Variants in TSHZ2 observed in about 807,000 individuals in gnomAD.
TSHZ2 encodes the protein teashirt homolog 2.
In TSHZ2, 21 loss-of-function variants were observed where a neutral mutation model predicts 74.4. That is an observed-to-expected ratio of 0.28 (90% confidence interval 0.20 to 0.41). The LOEUF is 0.41. TSHZ2 is among the 10% of genes least tolerant of loss of function. The pLI, the probability that TSHZ2 is intolerant of heterozygous loss-of-function variation, is 1.00. For missense variants in TSHZ2, 1,244 were observed against 1,293.5 expected (o/e 0.96, Z 0.59); for synonymous variants, 540 against 515.3 (o/e 1.05, Z -0.65).
intron 1 of TSHZ2, among the ~76,000 whole-genome samples, chr20:53,117,194 A>G (rs935877495): frequency 6.6e-6 from 1 of 152,182 alleles, no homozygotes; most frequent in Non-Finnish European, 1.5e-5. Flanking sequence ...ACTACAGCAT[A>G]TGAATTTTAA....
rs118014554 is a variant in TSHZ2, at chr20:53,472,626, G to C, written c.*9-14518G>C. Among the ~76,000 whole-genome samples the C allele has an allele frequency of 6.3e-3, 965 of 152,070 alleles. 6 individuals are homozygous for C. The highest frequency in any genetic ancestry group is 0.031 in the Middle Eastern group (9 of 294). On this transcript the variant is annotated intron_variant, in intron 2 of 2. Coordinates refer to ENST00000371497, the MANE Select transcript of TSHZ2 (RefSeq NM_173485.6). ...TTTCAGAACTGGAAGATGCTGCTTAGAAAGAGCTCCTCAGGGGGGAGGGAG... is the reference window on the plus strand; with the variant it reads ...TTTCAGAACTGGAAGATGCTGCTTACAAAGAGCTCCTCAGGGGGGAGGGAG...
At chr20:53,009,065 A>T (rs1982756830) in intron 1 of TSHZ2, among the ~76,000 whole-genome samples, 6 of 149,092 alleles carry the variant, frequency 4.0e-5, no homozygotes, top group Admixed American at 2.7e-4. Flanking sequence ...ATGGTGGCTC[A>T]CACCTATAAC....
intron 1 of TSHZ2, among the ~76,000 whole-genome samples, chr20:53,021,828 A>G (rs1331127848): frequency 1.3e-5 from 2 of 152,194 alleles, no homozygotes; most frequent in African/African-American, 4.8e-5. Flanking sequence ...ATGTATCCAG[A>G]TACTTGGTTT....
At chr20:53,006,295 A>G (rs140271250) in intron 1 of TSHZ2, among the ~76,000 whole-genome samples, 45 of 152,384 alleles carry the variant, frequency 3.0e-4, no homozygotes, top group Non-Finnish European at 5.4e-4. Flanking sequence ...TAAGAAAAAA[A>G]GTGATATTTT....
chr20:53,135,952 G>C (rs1252745145), intron 1 of TSHZ2, among the ~76,000 whole-genome samples: 1 of 152,150 alleles, frequency 6.6e-6, no homozygotes, highest in Non-Finnish European at 1.5e-5. Context: ...GTGTATTCGT[G>C]TGCTTTCTGT....
At chr20:53,044,604 CTT>C (rs1984158556) in intron 1 of TSHZ2, among the ~76,000 whole-genome samples, 1 of 152,218 alleles carries the variant, frequency 6.6e-6, no homozygotes, top group Non-Finnish European at 1.5e-5. Context: ...TAAGCACCCC[CTT>C]CACCAACTCT....
intron 1 of TSHZ2, among the ~76,000 whole-genome samples, chr20:53,111,833 G>A (rs1258841476): frequency 1.3e-5 from 2 of 151,384 alleles, no homozygotes; most frequent in African/African-American, 4.8e-5. Flanking sequence ...AGGGTTGTGG[G>A]ATGACCCCCA....
At position 53,494,999 on chromosome 20, in the gene TSHZ2, T is replaced by C. The variant is rs888156991; in HGVS notation, c.*7864T>C. On this transcript the variant is annotated 3_prime_UTR_variant, in exon 3 of 3. Coordinates refer to ENST00000371497, the MANE Select transcript of TSHZ2 (RefSeq NM_173485.6). ...TGCTGGAGGCTGTCCCTCATTTTAA[T>C]GCTGCAGCTATTGAACCACCTTCCT... 3.9e-5 allele frequency: 6 copies of C among 152,206 alleles called. No individual in the cohort carries two copies. Among genetic ancestry groups the C allele is most frequent in the Non-Finnish European group, 7.3e-5 (5 of 68,054 alleles). The allele number at this position is 152,206 out of a possible 1,614,324, so 9.4% of individuals were successfully genotyped here. A position where few individuals can be genotyped will look rare whatever the true frequency, so the allele number is the denominator to read the frequency against.
At chr20:53,253,301 G>GAAAAAA (rs11290209) in intron 1 of TSHZ2, among the ~76,000 whole-genome samples, 198 bp from the exon 2 acceptor site, 2 of 97,560 alleles carry the variant, frequency 2.1e-5, no homozygotes, top group East Asian at 3.8e-4. Flanking sequence ...CCTGCCAATT[G>GAAAAAA]AAAAAAAAAA....
chr20:53,101,141 T>C (rs1303424707), intron 1 of TSHZ2, among the ~76,000 whole-genome samples: 1 of 152,238 alleles, frequency 6.6e-6, no homozygotes, highest in Non-Finnish European at 1.5e-5. Context: ...CTGTGGTCTC[T>C]GCTTTTTCAT....
intron 1 of TSHZ2, among the ~76,000 whole-genome samples, chr20:53,176,966 C>T (rs940307432): frequency 8.6e-5 from 13 of 151,944 alleles, no homozygotes; most frequent in South Asian, 4.2e-4. Context: ...ATTACAGGCA[C>T]GAGCCATCGC....
chr20:53,065,567 A>G (rs1984955088), intron 1 of TSHZ2, among the ~76,000 whole-genome samples: 1 of 152,212 alleles, frequency 6.6e-6, no homozygotes, highest in Non-Finnish European at 1.5e-5. Flanking sequence ...GAATAGCAAC[A>G]CAGTCGGGAC....
intron 1 of TSHZ2, among the ~76,000 whole-genome samples, chr20:53,231,902 T>C (rs1449366292): frequency 6.6e-6 from 1 of 152,106 alleles, no homozygotes; most frequent in Non-Finnish European, 1.5e-5. Context: ...TTTTTTTTTC[T>C]AGAGGAGGGT....
chr20:53,260,517 T>C (rs1182595023), intron 2 of TSHZ2, among the ~76,000 whole-genome samples: 1 of 152,016 alleles, frequency 6.6e-6, no homozygotes, highest in East Asian at 1.9e-4. Flanking sequence ...CTAGGGGAAA[T>C]GCTGAAAGGA....
chr20:53,138,729 G>T (rs1330343290), intron 1 of TSHZ2, among the ~76,000 whole-genome samples: 2 of 152,138 alleles, frequency 1.3e-5, no homozygotes, highest in Admixed American at 6.5e-5. Context: ...AATTCACCAG[G>T]CCTCTGAGCT....
Position 53,487,893 on chromosome 20 carries a change from C to CTTGA in TSHZ2, c.*762_*765dup. 1 of 152,218 alleles carries CTTGA rather than the reference C, an allele frequency of 6.6e-6. No individual in the cohort carries two copies. The highest frequency in any genetic ancestry group is 1.5e-5 in the Non-Finnish European group (1 of 68,014). 9.4% of individuals were successfully genotyped at this position (152,218 alleles called of 1,614,324 possible). ...GGGGCACCTTGATCATCATCATTATCTTGATTGGCTGAAAAAAAAATAGTT... is the reference window on the plus strand; with the variant it reads ...GGGGCACCTTGATCATCATCATTATCTTGATTGATTGGCTGAAAAAAAAATAGTT... On this transcript the variant is annotated 3_prime_UTR_variant, in exon 3 of 3. Coordinates refer to ENST00000371497, the MANE Select transcript of TSHZ2 (RefSeq NM_173485.6).
chr20:53,139,769 G>C (rs1031984450), intron 1 of TSHZ2, among the ~76,000 whole-genome samples: 8 of 152,112 alleles, frequency 5.3e-5, no homozygotes, highest in African/African-American at 1.7e-4. Flanking sequence ...CTCTTTTTCT[G>C]GTCCCTTTTA....
chr20:53,377,952 TTC>T (rs1244862443), intron 2 of TSHZ2, among the ~76,000 whole-genome samples: 3 of 152,160 alleles, frequency 2.0e-5, no homozygotes, highest in Admixed American at 1.3e-4. Context: ...GGGATAAGTA[TTC>T]TCTCTTTCCA....
intron 1 of TSHZ2, among the ~76,000 whole-genome samples, chr20:53,170,707 A>G (rs1245600404): frequency 1.3e-5 from 2 of 152,224 alleles, no homozygotes; most frequent in Non-Finnish European, 2.9e-5. Context: ...AAAGGTTTCT[A>G]ATCATAATGC....
Sources: allele counts gnomAD v4.1 joint callset (sites outside exome capture counted in the v4.1 genomes callset), GRCh38; gene constraint gnomAD v4.1.1; transcripts MANE v1.5; gene names NCBI Gene and HGNC (gene_info 2026-07-23, HGNC 2026-07-21).